Variants in EMP2 observed in about 807,000 individuals in gnomAD.
EMP2 encodes the protein epithelial membrane protein 2.
EMP2 carries 19 observed loss-of-function variants against 13.7 expected under a neutral mutation model. That is an observed-to-expected ratio of 1.38 (90% confidence interval 0.97 to 2.03). The LOEUF (loss-of-function observed/expected upper bound fraction) is 2.03, where lower values mean the gene tolerates loss of function less well. Ranked by LOEUF, EMP2 falls within the 30% of genes most tolerant of loss-of-function variation. The probability of loss-of-function intolerance (pLI) is 0.00; values close to 1 mark genes in which losing one functional copy is unlikely to be tolerated. For missense variants in EMP2, 253 were observed against 220.7 expected, an observed-to-expected ratio of 1.15 and a Z score of -0.93; for synonymous variants, 97 against 84.7, an observed-to-expected ratio of 1.15 and a Z score of -0.80.
chr16:10,572,866 G>A (rs140944394), intron 1 of EMP2, among the ~76,000 whole-genome samples: 327 of 152,198 alleles, frequency 2.1e-3, no homozygotes, highest in African/African-American at 7.7e-3. Context: ...ATTCTGGGAC[G>A]GATGAGGACC....
At chr16:10,569,795 G>A (rs544913685) in intron 1 of EMP2, among the ~76,000 whole-genome samples, 1 of 152,300 alleles carries the variant, frequency 6.6e-6, no homozygotes, top group Non-Finnish European at 1.5e-5. Context: ...CTCTGGGTGT[G>A]TCGATGATTA....
intron 1 of EMP2, among the ~76,000 whole-genome samples, chr16:10,579,847 C>A (rs1476337514): frequency 2.6e-5 from 4 of 152,182 alleles, no homozygotes; most frequent in Admixed American, 2.6e-4. Context: ...AGCCCCACAT[C>A]TTCACCTAAA....
intron 1 of EMP2, among the ~76,000 whole-genome samples, chr16:10,575,250 T>A (rs1431710588): frequency 0.1 from 8,790 of 85,568 alleles, 569 homozygotes; most frequent in South Asian, 0.21. Context: ...TTTTTTTTTT[T>A]TTTTTTTTTT....
At chr16:10,535,489 CTT>C (rs2142168273) in intron 4 of EMP2, among the ~76,000 whole-genome samples, 1 of 152,264 alleles carries the variant, frequency 6.6e-6, no homozygotes, top group African/African-American at 2.4e-5. Context: ...AATCCCAACA[CTT>C]TGAGAGGCTG....
At chr16:10,575,830 T>C (rs1311818488) in intron 1 of EMP2, among the ~76,000 whole-genome samples, 2 of 151,910 alleles carry the variant, frequency 1.3e-5, no homozygotes, top group Non-Finnish European at 2.9e-5. Flanking sequence ...TCATTAAAGA[T>C]GAAGGGACTC....
At chr16:10,576,824 A>G (rs1025435505) in intron 1 of EMP2, 5 of 151,728 alleles carry the variant, frequency 3.3e-5, no homozygotes, top group African/African-American at 1.2e-4. Flanking sequence ...GGAGGGAGGG[A>G]CTCATTTGGC....
chr16:10,560,140 T>C (rs2050861395), intron 1 of EMP2, among the ~76,000 whole-genome samples: 1 of 152,182 alleles, frequency 6.6e-6, no homozygotes, highest in South Asian at 2.1e-4. Flanking sequence ...CCTTTTGGGG[T>C]CCTGTTACTT....
chr16:10,536,920 C>A (rs6498068), intron 4 of EMP2, among the ~76,000 whole-genome samples: 120,562 of 152,104 alleles, frequency 0.79, 48,155 homozygotes, highest in African/African-American at 0.88. Context: ...CAGTTTTAAA[C>A]CAGAGGATGG....
rs762288347 is a variant in EMP2, at chr16:10,538,093, G to A, written c.170-19C>T. On this transcript the variant is annotated intron_variant, in intron 3 of 4. Transcript: ENST00000359543. ...GAGTACTCTGCGGGAAAAGGGCAGG[G>A]GCGCAGGACTGAGGACCTTGGCCAG... The A allele has an allele frequency of 1.2e-6, 2 of 1,611,672 alleles. No individual in the cohort carries two copies. Among genetic ancestry groups the A allele is most frequent in the Non-Finnish European group, 8.5e-7 (1 of 1,179,036 alleles).
chr16:10,543,334 T>A (rs907385199), intron 3 of EMP2, among the ~76,000 whole-genome samples: 1 of 152,256 alleles, frequency 6.6e-6, no homozygotes, highest in African/African-American at 2.4e-5. Context: ...AGAGAAGGCA[T>A]GAGGTCCAAC....
intron 1 of EMP2, among the ~76,000 whole-genome samples, chr16:10,557,556 G>A (rs962061209): frequency 6.6e-6 from 1 of 152,118 alleles, no homozygotes; most frequent in African/African-American, 2.4e-5. Flanking sequence ...ACATGTGGTA[G>A]AATGGGTTCA....
At chr16:10,554,265 CAGGTG>C (rs1405433460) in intron 1 of EMP2, among the ~76,000 whole-genome samples, 1 of 152,222 alleles carries the variant, frequency 6.6e-6, no homozygotes, top group African/African-American at 2.4e-5. Flanking sequence ...CTCCTAACCT[CAGGTG>C]ATCCACCAGC....
chr16:10,538,022 G>C lies in EMP2; in HGVS notation c.222C>G (p.Leu74=). The C allele has an allele frequency of 6.2e-7, 1 of 1,614,126 alleles. No individual in the cohort carries two copies. The highest frequency in any genetic ancestry group is 8.5e-7 in the Non-Finnish European group (1 of 1,180,014). Residue 74 remains leucine (L), a synonymous_variant, in exon 4 of 5, where the codon CTC becomes CTG. Transcript: ENST00000359543. Reference sequence around the variant, plus strand: ...CGAAGATGAAGAAGGCGATGCAGCAGAGAATGGTGGAGAGGATCATGGTGG... The same window carrying C: ...CGAAGATGAAGAAGGCGATGCAGCACAGAATGGTGGAGAGGATCATGGTGG... The part of the protein sequence containing the change: ...VQATMILSTI[L]CCIAFFIFVL...
chr16:10,557,723 G>A (rs777963185), intron 1 of EMP2, among the ~76,000 whole-genome samples: 4 of 152,066 alleles, frequency 2.6e-5, no homozygotes, highest in Non-Finnish European at 5.9e-5. Context: ...CAGATTCAAG[G>A]CCTGAATACT....
At chr16:10,554,778 C>T (rs185413907) in intron 1 of EMP2, among the ~76,000 whole-genome samples, 1 of 152,176 alleles carries the variant, frequency 6.6e-6, no homozygotes, top group African/African-American at 2.4e-5. Flanking sequence ...CCCCTGAACA[C>T]GGTTCCCTGG....
chr16:10,562,378 C>CTCTCTCTCTATCTA (rs1312547668), intron 1 of EMP2, among the ~76,000 whole-genome samples: 6 of 135,384 alleles, frequency 4.4e-5, no homozygotes, highest in African/African-American at 5.7e-5. Context: ...CTCTCTCTCT[C>CTCTCTCTCTATCTA]TCTATCTATC....
intron 1 of EMP2, among the ~76,000 whole-genome samples, chr16:10,549,713 A>ATG (rs2050768672): frequency 1.2e-5 from 1 of 84,052 alleles, no homozygotes; most frequent in African/African-American, 5.3e-5. Context: ...GGATTAATGC[A>ATG]CGCACACACA....
At chr16:10,540,419 T>G (rs947601804) in intron 3 of EMP2, among the ~76,000 whole-genome samples, 5 of 152,002 alleles carry the variant, frequency 3.3e-5, no homozygotes, top group Non-Finnish European at 5.9e-5. Context: ...GGCAGGAGGA[T>G]GGCTTGAACC....
At chr16:10,560,280 C>G (rs7205911) in intron 1 of EMP2, among the ~76,000 whole-genome samples, 16,825 of 152,162 alleles carry the variant, frequency 0.11, 2,034 homozygotes, top group African/African-American at 0.31. Context: ...CTGGGGACAA[C>G]GGAAGCAGAG....
Sources: allele counts gnomAD v4.1 joint callset (sites outside exome capture counted in the v4.1 genomes callset), GRCh38; gene constraint gnomAD v4.1.1; transcripts MANE v1.5; gene names NCBI Gene and HGNC (gene_info 2026-07-23, HGNC 2026-07-21).